ARL15: variants seen among roughly 807,000 people sequenced by gnomAD.
ARL15 encodes ARF like GTPase 15.
In ARL15, 19 loss-of-function variants were observed where a neutral mutation model predicts 25.2. The ratio of observed to expected loss-of-function variants is 0.75; its 90% CI spans 0.53 to 1.10. The LOEUF is 1.10. ARL15 is among the 50% of genes least tolerant of loss of function. ARL15 has a pLI of 0.00. For synonymous variants in ARL15, 94 were observed against 86.8 expected, an observed-to-expected ratio of 1.08 and a Z score of -0.46; for missense variants, 220 against 246.0, an observed-to-expected ratio of 0.89 and a Z score of 0.71.
chr5:54,281,613 G>A (rs761183987), intron 1 of ARL15, among the ~76,000 whole-genome samples: 2 of 152,222 alleles, frequency 1.3e-5, no homozygotes, highest in East Asian at 1.9e-4. Context: ...TGTGACAACC[G>A]GAAACGTCTC....
rs1320428020 is a variant in ARL15 at position 53,885,923 on chromosome 5, A to G, written c.*638T>C. ...TGTCTTTGCTCTTAAAAGAGAAGAG[A>G]CTTCAGATGTAATCAAGAAAACATT... On this transcript the variant is annotated 3_prime_UTR_variant, in exon 5 of 5. Transcript: ENST00000504924. 1 of 152,132 alleles carries G rather than the reference A, an allele frequency of 6.6e-6. No individual in the cohort carries two copies. The highest frequency in any genetic ancestry group is 6.5e-5 in the Admixed American group (1 of 15,280). 9.4% of individuals were successfully genotyped at this position (152,132 alleles called of 1,614,324 possible).
chr5:54,154,574 T>C lies in ARL15; in HGVS notation c.253+6A>G, dbSNP rs1754165927. On this transcript the variant is annotated splice_donor_region_variant and intron_variant, in intron 3 of 4. Coordinates refer to ENST00000504924, the MANE Select transcript of ARL15 (RefSeq NM_019087.3). ...GCAGACATAGAAATGATTTGAAATGTTATACCTCCAAGTTCTTTTACATTC... is the reference window on the plus strand; with the variant it reads ...GCAGACATAGAAATGATTTGAAATGCTATACCTCCAAGTTCTTTTACATTC... 1 of 1,515,028 alleles carries C rather than the reference T, an allele frequency of 6.6e-7. No homozygotes were observed. The highest frequency in any genetic ancestry group is 8.9e-7 in the Non-Finnish European group (1 of 1,129,044). The allele number at this position is 1,515,028 out of a possible 1,614,324, so 93.8% of individuals were successfully genotyped here. A position where few individuals can be genotyped will look rare whatever the true frequency, so the allele number is the denominator to read the frequency against.
intron 1 of ARL15, among the ~76,000 whole-genome samples, chr5:54,298,171 A>C (rs763336906): frequency 6.6e-6 from 1 of 152,146 alleles, no homozygotes. Context: ...CCAGTGTACT[A>C]AGTTCCCGCA....
chr5:54,113,023 G>A (rs912153078), intron 4 of ARL15, 179 bp downstream of exon 4: 1 of 604,472 alleles, frequency 1.7e-6, no homozygotes, highest in Non-Finnish European at 2.9e-6. Context: ...GTAGGGTTAG[G>A]TATGTAAACA....
At chr5:53,998,246 C>A (rs541918946) in intron 4 of ARL15, among the ~76,000 whole-genome samples, 1 of 146,098 alleles carries the variant, frequency 6.8e-6, no homozygotes, top group African/African-American at 2.6e-5. Context: ...AATAATGTAT[C>A]GTTCTTTTCC....
At chr5:54,178,435 C>A (rs1274988859) in intron 1 of ARL15, among the ~76,000 whole-genome samples, 2 of 152,190 alleles carry the variant, frequency 1.3e-5, no homozygotes, top group Non-Finnish European at 2.9e-5. Context: ...CAGACAGAAA[C>A]ACAAGGTCTC....
At chr5:54,103,615 A>G (rs538629673) in intron 4 of ARL15, among the ~76,000 whole-genome samples, 10 of 152,174 alleles carry the variant, frequency 6.6e-5, no homozygotes, top group Non-Finnish European at 1.2e-4. Context: ...GCCTATGTAC[A>G]CTGGAAGAGT....
intron 1 of ARL15, among the ~76,000 whole-genome samples, chr5:54,231,796 T>G (rs1357061933): frequency 6.6e-6 from 1 of 152,122 alleles, no homozygotes; most frequent in African/African-American, 2.4e-5. Flanking sequence ...TTCTGGTGTT[T>G]TTAAAATAAG....
At chr5:53,966,787 T>A (rs1471577639) in intron 4 of ARL15, among the ~76,000 whole-genome samples, 1 of 152,164 alleles carries the variant, frequency 6.6e-6, no homozygotes, top group Non-Finnish European at 1.5e-5. Context: ...TATTTGACAA[T>A]CTATTTTAAA....
chr5:54,260,372 A>G (rs1327571751), intron 1 of ARL15, among the ~76,000 whole-genome samples: 1 of 152,246 alleles, frequency 6.6e-6, no homozygotes, highest in African/African-American at 2.4e-5. Context: ...TCTATTTGAC[A>G]TTACAGATTC....
At chr5:54,184,687 T>G (rs2112441075) in intron 1 of ARL15, among the ~76,000 whole-genome samples, 1 of 151,804 alleles carries the variant, frequency 6.6e-6, no homozygotes, top group South Asian at 2.1e-4. Flanking sequence ...GGAAATCCTA[T>G]TCTATTCTTC....
At chr5:54,302,965 T>C (rs1248296047) in intron 1 of ARL15, among the ~76,000 whole-genome samples, 1 of 152,038 alleles carries the variant, frequency 6.6e-6, no homozygotes, top group East Asian at 1.9e-4. Context: ...CAAAAGCCCC[T>C]CAATAATTTA....
At chr5:54,202,976 T>C (rs1755763845) in intron 1 of ARL15, among the ~76,000 whole-genome samples, 1 of 152,156 alleles carries the variant, frequency 6.6e-6, no homozygotes, top group Admixed American at 6.5e-5. Context: ...ATTATAAGGA[T>C]AGAAAAAGTT....
At chr5:54,049,715 C>T (rs1750647725) in intron 4 of ARL15, among the ~76,000 whole-genome samples, 1 of 151,942 alleles carries the variant, frequency 6.6e-6, no homozygotes, top group Admixed American at 6.6e-5. Context: ...ATCCTCCTAC[C>T]ACCACCACGC....
Position 54,310,537 on chromosome 5 carries a change from T to G in ARL15, c.-58A>C. 31 of 1,542,334 alleles carry G rather than the reference T, an allele frequency of 2.0e-5. No homozygotes were observed. The highest frequency in any genetic ancestry group is 2.5e-5 in the Non-Finnish European group (28 of 1,140,022). On this transcript the variant is annotated 5_prime_UTR_variant, in exon 1 of 5. Transcript: ENST00000504924. ...ACCCGGAAAAAAAAAGCAGCGTCTC[T>G]GGCTGCGAGCGAGCAGCTCCTGAAA...
At chr5:54,231,764 G>GA (rs1756678168) in intron 1 of ARL15, among the ~76,000 whole-genome samples, 1 of 152,192 alleles carries the variant, frequency 6.6e-6, no homozygotes, top group African/African-American at 2.4e-5. Flanking sequence ...CTTGGTGCAT[G>GA]AGTGTGGAGA....
rs1758163856 is a variant in ARL15, at chr5:54,285,728, G to A, written c.48+24704C>T. 3.3e-5 allele frequency among the ~76,000 whole-genome samples: 5 copies of A among 152,178 alleles called. No homozygotes were observed. In the South Asian group the frequency reaches 1.0e-3, roughly 32 times the overall value. Reference sequence around the variant, plus strand: ...GTAAAACAAGAAAGGGCATACGGGAGCAGTAAAACCCCTTCGAATGAGGCC... The same window carrying A: ...GTAAAACAAGAAAGGGCATACGGGAACAGTAAAACCCCTTCGAATGAGGCC... On this transcript the variant is annotated intron_variant, in intron 1 of 4. Coordinates refer to ENST00000504924, the MANE Select transcript of ARL15 (RefSeq NM_019087.3).
intron 4 of ARL15, among the ~76,000 whole-genome samples, chr5:54,083,528 G>A (rs1367722099): frequency 1.3e-5 from 2 of 152,092 alleles, no homozygotes; most frequent in Admixed American, 1.3e-4. Flanking sequence ...ATATACTGTT[G>A]CTTTGGGTCA....
At chr5:53,921,385 T>TC (rs1192056276) in intron 4 of ARL15, among the ~76,000 whole-genome samples, 17 of 152,220 alleles carry the variant, frequency 1.1e-4, no homozygotes, top group African/African-American at 4.1e-4. Context: ...GTTAGACATT[T>TC]CCCCTTTTAA....
Sources: allele counts gnomAD v4.1 joint callset (sites outside exome capture counted in the v4.1 genomes callset), GRCh38; gene constraint gnomAD v4.1.1; transcripts MANE v1.5; gene names NCBI Gene and HGNC (gene_info 2026-07-23, HGNC 2026-07-21).